The following MNS1 variants were observed in gnomAD, a reference collection of about 807,000 sequenced individuals.
MNS1 encodes the protein meiosis specific nuclear structural 1.
A neutral mutation model predicts 72.0 loss-of-function variants in MNS1; 63 were observed. That is an observed-to-expected ratio of 0.87 (90% CI 0.71 to 1.08). MNS1 has a LOEUF of 1.08. Among genes scored for constraint, MNS1 ranks in the 50% least tolerant of loss-of-function variants. MNS1 has a pLI of 0.00. For missense variants in MNS1, 604 were observed against 562.4 expected, an observed-to-expected ratio of 1.07 and a Z score of -0.75; for synonymous variants, 188 against 172.1, an observed-to-expected ratio of 1.09 and a Z score of -0.72.
chr15:56,448,595 G>A (rs1037226168), intron 3 of MNS1, among the ~76,000 whole-genome samples: 1 of 152,206 alleles, frequency 6.6e-6, no homozygotes, highest in African/African-American at 2.4e-5. Flanking sequence ...AGAGTATTCC[G>A]TGGTATATAT....
At chr15:56,447,442 A>G (rs1296973779) in intron 3 of MNS1, 1 of 152,022 alleles carries the variant, frequency 6.6e-6, no homozygotes, top group African/African-American at 2.4e-5. Flanking sequence ...ATATCCTTCT[A>G]ATTATTTGGT....
chr15:56,449,917 C>T (rs1596265705), intron 3 of MNS1, among the ~76,000 whole-genome samples: 3 of 152,240 alleles, frequency 2.0e-5, no homozygotes, highest in African/African-American at 7.2e-5. Context: ...ATTCCAAAAA[C>T]TGGTTATTTG....
At chr15:56,464,839 G>C in intron 1 of MNS1, 131 bp downstream of exon 1, 4 of 1,352,012 alleles carry the variant, frequency 3.0e-6, no homozygotes, top group Non-Finnish European at 4.1e-6. Context: ...TGAAGCCTCC[G>C]AAAGCAAATA....
chr15:56,454,063 C>G (rs2050964848), intron 3 of MNS1, among the ~76,000 whole-genome samples: 1 of 145,220 alleles, frequency 6.9e-6, no homozygotes, highest in African/African-American at 2.6e-5. Context: ...TAAAAACACT[C>G]TTAGCAATTC....
At chr15:56,459,996 A>AG (rs2051006924) in intron 2 of MNS1, among the ~76,000 whole-genome samples, 1 of 49,428 alleles carries the variant, frequency 2.0e-5, no homozygotes, top group Admixed American at 2.6e-4. Flanking sequence ...GTCTCAAAAA[A>AG]AAAAAAAAAA....
At chr15:56,444,702 G>C (rs756954070) in intron 4 of MNS1, 29 bp from the exon 5 acceptor site, 1 of 1,565,810 alleles carries the variant, frequency 6.4e-7, no homozygotes, top group South Asian at 1.1e-5. Context: ...TGATCTTTCC[G>C]TTTTCAAATT....
chr15:56,454,809 CCTTTT>C (rs1238157458), intron 3 of MNS1, among the ~76,000 whole-genome samples: 4 of 152,094 alleles, frequency 2.6e-5, no homozygotes, highest in African/African-American at 9.7e-5. Context: ...ATTTTTCTAT[CCTTTT>C]GTCTCTCCAT....
intron 1 of MNS1, 108 bp from the exon 2 acceptor site, chr15:56,464,355 C>A: frequency 1.2e-6 from 1 of 808,984 alleles, no homozygotes; most frequent in Admixed American, 2.6e-5. Flanking sequence ...AGCCTGGCTT[C>A]CTTCCTAAAT....
In MNS1 at chr15:56,443,442, C is replaced by G. The variant is rs766151338; in HGVS notation, c.999G>C (p.Lys333Asn). Residue 333 changes from lysine to asparagine, a missense_variant, in exon 7 of 10, where the codon AAG becomes AAC. Coordinates refer to ENST00000260453, the MANE Select transcript of MNS1 (RefSeq NM_018365.4). ...LYQEEQAEIY[K>N]SKLKEEAEKK... is the part of the protein sequence containing the mutation. ...TTCTGAAACTTACTTTTAGCTTGCTCTTATATATTTCAGCTTGTTCTTCCT... is the reference window on the plus strand; with the variant it reads ...TTCTGAAACTTACTTTTAGCTTGCTGTTATATATTTCAGCTTGTTCTTCCT... The G allele has an allele frequency of 1.3e-6, 2 of 1,579,304 alleles. No individual in the cohort carries two copies. Among genetic ancestry groups the G allele is most frequent in the African/African-American group, 1.4e-5 (1 of 72,850 alleles).
At chr15:56,454,958 C>T (rs776424211) in intron 3 of MNS1, among the ~76,000 whole-genome samples, 7 of 152,024 alleles carry the variant, frequency 4.6e-5, no homozygotes, top group Non-Finnish European at 8.8e-5. Flanking sequence ...GCTTGTAGAA[C>T]GCTGTTGAAC....
At chr15:56,440,214 C>A (rs2050795655) in intron 7 of MNS1, among the ~76,000 whole-genome samples, 1 of 152,090 alleles carries the variant, frequency 6.6e-6, no homozygotes, top group Non-Finnish European at 1.5e-5. Context: ...AATAAAACTA[C>A]AAGGTATCAC....
intron 1 of MNS1, 44 bp from the exon 2 acceptor site, chr15:56,464,291 A>T (rs201726808): frequency 8.0e-6 from 11 of 1,378,126 alleles, no homozygotes; most frequent in Admixed American, 2.2e-5. Flanking sequence ...GATATTCCAA[A>T]ATCTAATTTT....
At chr15:56,434,520 G>C (rs1469691780) in intron 7 of MNS1, 125 bp from the exon 8 acceptor site, 1 of 1,006,260 alleles carries the variant, frequency 9.9e-7, no homozygotes, top group African/African-American at 1.6e-5. Flanking sequence ...GAAAAAGTAA[G>C]GCTTTTCATG....
At chr15:56,440,590 C>G (rs1213916703) in intron 7 of MNS1, among the ~76,000 whole-genome samples, 1 of 151,736 alleles carries the variant, frequency 6.6e-6, no homozygotes, top group African/African-American at 2.4e-5. Flanking sequence ...GGCAAATGGT[C>G]AAATAAAATG....
At chr15:56,460,007 A>ATATATATATATATATATATAT (rs1555449663) in intron 2 of MNS1, among the ~76,000 whole-genome samples, 1 of 27,614 alleles carries the variant, frequency 3.6e-5, no homozygotes, top group African/African-American at 1.3e-4. Flanking sequence ...AAAAAAAAAA[A>ATATATATATATATATATATAT]AAATACATAT....
Position 56,443,691 on chromosome 15 carries a change from G to C in MNS1, c.850C>G (p.Arg284Gly), listed in dbSNP as rs534298188. The C allele has an allele frequency of 1.2e-6, 2 of 1,613,080 alleles. No homozygotes were observed. The highest frequency in any genetic ancestry group is 1.7e-6 in the Non-Finnish European group (2 of 1,179,686). ...TCATTTTCTTGAACTTTTGCCATCC[G>C]ATCTTCTTCTCTTTGCTGCTGCATG... is the stretch of plus-strand genomic sequence containing the variant. ...ANMQQQREED[R>G]MAKVQENEEK... The change falls in exon 6 of 10, where the codon CGG becomes GGG. Residue 284 changes from arginine to glycine, a missense_variant. Transcript: ENST00000260453.
At position 56,456,298 on chromosome 15, in the gene MNS1, G is replaced by T. The variant is rs140527538; in HGVS notation, c.353+96C>A. The T allele has an allele frequency of 5.4e-4, 606 of 1,128,432 alleles. 3 individuals carry two copies. The African/African-American group carries it at 8.9e-3, about 17-fold the overall frequency. The allele number at this position is 1,128,432 out of a possible 1,614,324, so 69.9% of individuals were successfully genotyped here. On this transcript the variant is annotated intron_variant, in intron 3 of 9. Transcript: ENST00000260453. ...AGGTAAAATATTAACTAAGTGAAAT[G>T]ACATAAACAAAGAAATTTCACTTTC...
At chr15:56,431,272 G>T in intron 9 of MNS1, 101 bp downstream of exon 9, 2 of 1,388,086 alleles carry the variant, frequency 1.4e-6, no homozygotes. Context: ...TCATAACCGA[G>T]CAAGAAGTGA....
intron 3 of MNS1, among the ~76,000 whole-genome samples, chr15:56,452,262 T>C (rs1348622432): frequency 2.0e-5 from 3 of 152,032 alleles, no homozygotes; most frequent in South Asian, 2.1e-4. Context: ...AAAAGGCACA[T>C]GGGTGAAATT....
Sources: allele counts gnomAD v4.1 joint callset (sites outside exome capture counted in the v4.1 genomes callset), GRCh38; gene constraint gnomAD v4.1.1; transcripts MANE v1.5; gene names NCBI Gene and HGNC (gene_info 2026-07-23, HGNC 2026-07-21).